The following RARB variants were observed in gnomAD, a reference collection of about 807,000 sequenced individuals.
RARB encodes retinoic acid receptor beta, also known as HBV-activated protein.
RARB carries 17 observed loss-of-function variants against 51.9 expected under a neutral mutation model. The observed-to-expected ratio is 0.33, with a 90% CI of 0.22 to 0.49. RARB has a LOEUF of 0.49. Ranked by LOEUF, RARB falls within the 20% of genes least tolerant of loss-of-function variation. RARB has a pLI of 0.99. For synonymous variants in RARB, 215 were observed against 195.4 expected (o/e 1.10, Z -0.84); for missense variants, 369 against 550.8 (o/e 0.67, Z 3.30).
chr3:25,424,368 C>T (rs1262116595), upstream of RARB, among the ~76,000 whole-genome samples: 1 of 152,124 alleles, frequency 6.6e-6, no homozygotes, highest in Non-Finnish European at 1.5e-5. Context: ...AGAACTTCCC[C>T]CGCTCCCTTC....
chr3:25,206,590 C>G (rs541425099), intron 5 of RARB, among the ~76,000 whole-genome samples: 1 of 151,990 alleles, frequency 6.6e-6, no homozygotes, highest in Middle Eastern at 3.4e-3. Flanking sequence ...ATTTATCTTT[C>G]TAAGCTTCCC....
At chr3:25,201,853 T>C (rs1274645194) in intron 5 of RARB, among the ~76,000 whole-genome samples, 5 of 152,120 alleles carry the variant, frequency 3.3e-5, no homozygotes, top group Admixed American at 6.5e-5. Flanking sequence ...CTGAGGATTT[T>C]TGCATCGATG....
intron 2 of RARB, among the ~76,000 whole-genome samples, chr3:24,960,797 A>C (rs528676616): frequency 2.6e-5 from 4 of 151,694 alleles, no homozygotes; most frequent in Non-Finnish European, 5.9e-5. Context: ...TCGCATTGAC[A>C]CTTTCCTTTT....
At chr3:25,459,180 C>T (rs1057498487) in intron 1 of RARB, among the ~76,000 whole-genome samples, 1 of 152,110 alleles carries the variant, frequency 6.6e-6, no homozygotes, top group African/African-American at 2.4e-5. Flanking sequence ...TGGAGAGGGG[C>T]ATTTTAATGA....
intron 3 of RARB, among the ~76,000 whole-genome samples, chr3:25,097,199 A>T (rs1699311874): frequency 6.6e-6 from 1 of 152,158 alleles, no homozygotes; most frequent in Admixed American, 6.5e-5. Context: ...TAAACAATAC[A>T]CGCATGACTT....
intron 3 of RARB, among the ~76,000 whole-genome samples, chr3:25,128,301 C>G (rs1699892963): frequency 6.6e-6 from 1 of 151,808 alleles, no homozygotes; most frequent in Admixed American, 6.6e-5. Context: ...TCCTTATTTT[C>G]AGCTGTAACA....
In RARB at chr3:25,525,915, C is replaced by G. The variant is rs377444040; in HGVS notation, c.448+24592C>G. Among the ~76,000 whole-genome samples the G allele has an allele frequency of 6.1e-4, 93 of 152,232 alleles. No individual in the cohort carries two copies. The Middle Eastern group carries it at 0.02, about 33-fold the overall frequency. ...TGTTCCAGGCAGAGAACAGCAGTTG[C>G]AAAGCTCTGAGCTGTAGGCTAGGGG... On this transcript the variant is annotated intron_variant, in intron 3 of 7. Transcript: ENST00000330688.
chr3:25,107,525 G>T (rs946014270), intron 3 of RARB, among the ~76,000 whole-genome samples: 4 of 152,096 alleles, frequency 2.6e-5, no homozygotes, highest in African/African-American at 9.7e-5. Context: ...GAATTAAGCA[G>T]TGGAAATAAA....
At chr3:24,913,013 C>A (rs1013707790) in intron 2 of RARB, among the ~76,000 whole-genome samples, 18 of 73,788 alleles carry the variant, frequency 2.4e-4, no homozygotes, top group African/African-American at 6.3e-4. Flanking sequence ...CAGAGTCTCG[C>A]TCTGTCGCTC....
intron 2 of RARB, among the ~76,000 whole-genome samples, chr3:24,917,055 T>G (rs1199780353): frequency 1.3e-5 from 2 of 152,214 alleles, no homozygotes; most frequent in African/African-American, 4.8e-5. Flanking sequence ...TGTTAAAAAT[T>G]GTCATGGGTG....
At chr3:25,363,076 A>G (rs1321685725) in intron 5 of RARB, among the ~76,000 whole-genome samples, 1 of 152,208 alleles carries the variant, frequency 6.6e-6, no homozygotes, top group Non-Finnish European at 1.5e-5. Flanking sequence ...AACCTAACCC[A>G]TATGTTTTGT....
chr3:25,522,690 G>A (rs888092109), intron 3 of RARB, among the ~76,000 whole-genome samples: 3 of 152,162 alleles, frequency 2.0e-5, no homozygotes, highest in Admixed American at 2.0e-4. Context: ...ACTCAATTAA[G>A]GCACAGAATT....
At chr3:25,336,058 C>G (rs1705053325) in intron 5 of RARB, among the ~76,000 whole-genome samples, 1 of 149,200 alleles carries the variant, frequency 6.7e-6, no homozygotes, top group South Asian at 2.1e-4. Context: ...AAGACACCCC[C>G]ACTGGGGAGG....
intron 5 of RARB, among the ~76,000 whole-genome samples, chr3:25,304,358 C>T (rs1704109217): frequency 6.6e-6 from 1 of 152,186 alleles, no homozygotes; most frequent in Non-Finnish European, 1.5e-5. Flanking sequence ...CCTGTAAGAT[C>T]CCCTCCACTT....
intron 5 of RARB, among the ~76,000 whole-genome samples, chr3:25,388,413 T>C (rs1706855567): frequency 6.6e-6 from 1 of 152,232 alleles, no homozygotes; most frequent in Non-Finnish European, 1.5e-5. Flanking sequence ...TATTTTGATA[T>C]GTCTTCTTTA....
intron 5 of RARB, among the ~76,000 whole-genome samples, chr3:25,218,550 A>G (rs1408510145): frequency 6.6e-6 from 1 of 152,300 alleles, no homozygotes; most frequent in African/African-American, 2.4e-5. Context: ...GCCAACCTCA[A>G]CCAGTGGTTT....
At chr3:25,317,194 G>A (rs1054345447) in intron 5 of RARB, among the ~76,000 whole-genome samples, 6 of 152,054 alleles carry the variant, frequency 3.9e-5, no homozygotes, top group South Asian at 4.2e-4. Context: ...CTTGGTGCCC[G>A]CCTTGTGTCT....
intron 3 of RARB, among the ~76,000 whole-genome samples, chr3:25,093,337 C>T (rs2125317785): frequency 6.6e-6 from 1 of 152,200 alleles, no homozygotes; most frequent in Admixed American, 6.5e-5. Context: ...ACTAACTTTG[C>T]AAAAACTATA....
chr3:25,279,926 C>T (rs912987529), intron 5 of RARB, among the ~76,000 whole-genome samples: 1 of 152,020 alleles, frequency 6.6e-6, no homozygotes, highest in Non-Finnish European at 1.5e-5. Context: ...GGAGGCAAGA[C>T]AGGAAGAGAG....
Sources: allele counts gnomAD v4.1 joint callset (sites outside exome capture counted in the v4.1 genomes callset), GRCh38; gene constraint gnomAD v4.1.1; transcripts MANE v1.5; gene names NCBI Gene and HGNC (gene_info 2026-07-23, HGNC 2026-07-21).